Variants in PLS1 observed in about 807,000 individuals in gnomAD.
PLS1 encodes the protein plastin 1.
Under a neutral mutation model 73.7 loss-of-function variants are expected in PLS1, and 32 were observed. The observed-to-expected ratio is 0.43, with a 90% CI of 0.33 to 0.58. The LOEUF (loss-of-function observed/expected upper bound fraction) is 0.58, where lower values mean the gene tolerates loss of function less well. PLS1 is among the 20% of genes least tolerant of loss of function. PLS1 has a pLI of 0.04. For synonymous variants in PLS1, 217 were observed against 261.3 expected (o/e 0.83, Z 1.63); for missense variants, 633 against 740.5 (o/e 0.85, Z 1.68).
chr3:142,635,023 G>A (rs2036646942), intron 1 of PLS1, among the ~76,000 whole-genome samples: 1 of 151,502 alleles, frequency 6.6e-6, no homozygotes, highest in South Asian at 2.1e-4. Flanking sequence ...CTGGGCTCAT[G>A]TGATCCTCCC....
chr3:142,627,532 GT>G (rs1321774524), intron 1 of PLS1, among the ~76,000 whole-genome samples: 2 of 151,836 alleles, frequency 1.3e-5, no homozygotes, highest in Non-Finnish European at 2.9e-5. Context: ...TCTGCTATCT[GT>G]TTTTTTTCTT....
At chr3:142,604,433 T>G (rs1234255186) in intron 1 of PLS1, among the ~76,000 whole-genome samples, 1 of 152,194 alleles carries the variant, frequency 6.6e-6, no homozygotes, top group East Asian at 1.9e-4. Flanking sequence ...TGGGACATCC[T>G]TTTGGTCAAG....
chr3:142,645,984 G>C (rs2036945315), intron 1 of PLS1, among the ~76,000 whole-genome samples: 1 of 152,160 alleles, frequency 6.6e-6, no homozygotes, highest in South Asian at 2.1e-4. Flanking sequence ...AGGCATGGAA[G>C]GGGCTTGATG....
At chr3:142,625,149 G>A (rs1390812577) in intron 1 of PLS1, among the ~76,000 whole-genome samples, 22 of 152,160 alleles carry the variant, frequency 1.4e-4, no homozygotes, top group South Asian at 2.1e-4. Flanking sequence ...CTGGAAATAC[G>A]AGCTCAAAGA....
intron 1 of PLS1, among the ~76,000 whole-genome samples, chr3:142,616,374 G>C (rs1001147552): frequency 6.6e-6 from 1 of 152,134 alleles, no homozygotes; most frequent in African/African-American, 2.4e-5. Context: ...GGAAGAGAAA[G>C]AACACTAAAT....
At chr3:142,663,216 GAAAA>G (rs1287051699) in intron 1 of PLS1, among the ~76,000 whole-genome samples, 1 of 151,638 alleles carries the variant, frequency 6.6e-6, no homozygotes, top group Non-Finnish European at 1.5e-5. Context: ...CTCTGTCGCA[GAAAA>G]AATAAAAAAA....
At chr3:142,647,285 T>A (rs183866759) in intron 1 of PLS1, among the ~76,000 whole-genome samples, 1 of 152,222 alleles carries the variant, frequency 6.6e-6, no homozygotes, top group Non-Finnish European at 1.5e-5. Context: ...CATCAACTTA[T>A]CACCTTAGGA....
chr3:142,678,168 C>A, intron 6 of PLS1, 55 bp downstream of exon 6: 1 of 778,766 alleles, frequency 1.3e-6, no homozygotes, highest in South Asian at 2.5e-5. Context: ...AATATAAGAC[C>A]TTTATTAATG....
In PLS1 at chr3:142,705,208, A is replaced by C. The variant is rs970665914; in HGVS notation, c.1629+622A>C. 4.6e-5 allele frequency among the ~76,000 whole-genome samples: 7 copies of C among 152,200 alleles called. No individual in the cohort carries two copies. In the East Asian group the frequency reaches 1.3e-3, roughly 29 times the overall value. On this transcript the variant is annotated intron_variant, in intron 14 of 15. Transcript: ENST00000457734. ...AGAGCTAAAAAAAATCCAGTTATCA[A>C]ATGAAAAAGATAAGAAGCCATTGTT...
chr3:142,648,453 C>T lies in PLS1; in HGVS notation c.-36-15749C>T, dbSNP rs116555002. Among the ~76,000 whole-genome samples, 1,426 of 152,124 alleles carry T rather than the reference C, an allele frequency of 9.4e-3. 20 individuals are homozygous for T. Among genetic ancestry groups the T allele is most frequent in the African/African-American group, 0.032 (1,324 of 41,478 alleles). On this transcript the variant is annotated intron_variant, in intron 1 of 15. Transcript: ENST00000457734. ...GTTTAATGGAACAAACTAAAAAAGA[C>T]GAGAAAATTCAGTTGCGGGAGGCAT...
rs1373781398 is a variant in PLS1 at position 142,711,635 on chromosome 3, T to C, written c.1754+10T>C. ...AGCTGAACAATGCTAAGTAAGCCTTTATGGTTTATATTACAATACATGGCC... is the reference window on the plus strand; with the variant it reads ...AGCTGAACAATGCTAAGTAAGCCTTCATGGTTTATATTACAATACATGGCC... On this transcript the variant is annotated intron_variant, in intron 15 of 15. Transcript: ENST00000457734. 1.3e-6 allele frequency: 2 copies of C among 1,591,572 alleles called. No homozygotes were observed. The highest frequency in any genetic ancestry group is 2.7e-5 in the African/African-American group (2 of 74,644).
intron 6 of PLS1, among the ~76,000 whole-genome samples, chr3:142,683,079 G>A (rs2037888855): frequency 6.6e-6 from 1 of 152,208 alleles, no homozygotes; most frequent in Non-Finnish European, 1.5e-5. Flanking sequence ...TCAGCACACT[G>A]TAGGAGGAAG....
intron 3 of PLS1, 69 bp downstream of exon 3, chr3:142,669,622 T>TACA: frequency 9.7e-7 from 1 of 1,034,794 alleles, no homozygotes; most frequent in Non-Finnish European, 1.4e-6. Flanking sequence ...ATGTCATCAC[T>TACA]AGCTTTGGTT....
Position 142,711,528 on chromosome 3 carries a change from G to A in PLS1, c.1657G>A (p.Val553Ile), listed in dbSNP as rs150992246. Residue 553 changes from valine to isoleucine, a missense_variant, in exon 15 of 16, where the codon GTC becomes ATC. Coordinates refer to ENST00000457734, the MANE Select transcript of PLS1 (RefSeq NM_001145319.2). ...TAAATCTATAAGCACAAGTTTACCTGTCCTAGATTTAATAGATGCCATTGC... is the reference window on the plus strand; with the variant it reads ...TAAATCTATAAGCACAAGTTTACCTATCCTAGATTTAATAGATGCCATTGC... ...KDKSISTSLP[V>I]LDLIDAIAPN... The A allele has an allele frequency of 2.3e-5, 36 of 1,598,508 alleles. No individual in the cohort carries two copies. The African/African-American group carries it at 3.1e-4, about 14-fold the overall frequency.
intron 12 of PLS1, among the ~76,000 whole-genome samples, chr3:142,699,558 C>T (rs937667975): frequency 2.0e-5 from 3 of 152,134 alleles, no homozygotes; most frequent in Non-Finnish European, 4.4e-5. Flanking sequence ...CCTGCATGTT[C>T]TGCACATGTA....
At chr3:142,602,955 G>A (rs2035954310) in intron 1 of PLS1, among the ~76,000 whole-genome samples, 1 of 152,182 alleles carries the variant, frequency 6.6e-6, no homozygotes, top group Non-Finnish European at 1.5e-5. Context: ...CCAAAGTGTT[G>A]AGGCTGAGGC....
At chr3:142,637,479 A>G (rs1251384630) in intron 1 of PLS1, among the ~76,000 whole-genome samples, 1 of 152,224 alleles carries the variant, frequency 6.6e-6, no homozygotes, top group Non-Finnish European at 1.5e-5. Context: ...ATGTTCTAAT[A>G]TGTCAAAACT....
intron 14 of PLS1, among the ~76,000 whole-genome samples, chr3:142,706,946 A>G (rs1040233100): frequency 6.6e-6 from 1 of 152,106 alleles, no homozygotes; most frequent in East Asian, 1.9e-4. Flanking sequence ...TAATTTTAGG[A>G]AAATGGGGGT....
chr3:142,703,836 CTT>C (rs1310183582), intron 12 of PLS1, 30 bp from the exon 13 acceptor site: 1 of 1,523,370 alleles, frequency 6.6e-7, no homozygotes, highest in East Asian at 2.3e-5. Context: ...TTTTAAAAAT[CTT>C]TTTATACCCA....
Sources: allele counts gnomAD v4.1 joint callset (sites outside exome capture counted in the v4.1 genomes callset), GRCh38; gene constraint gnomAD v4.1.1; transcripts MANE v1.5; gene names NCBI Gene and HGNC (gene_info 2026-07-23, HGNC 2026-07-21).